ETS1: variants seen among roughly 807,000 people sequenced by gnomAD.
ETS1 encodes the protein protein C-ets-1.
A neutral mutation model predicts 58.6 loss-of-function variants in ETS1; 15 were observed. The observed-to-expected ratio is 0.26, with a 90% CI of 0.17 to 0.39. ETS1 has a LOEUF of 0.39. Ranked by LOEUF, ETS1 falls within the 10% of genes least tolerant of loss-of-function variation. The pLI, the probability that ETS1 is intolerant of heterozygous loss-of-function variation, is 1.00. For missense variants in ETS1, 417 were observed against 610.5 expected (o/e 0.68, Z 3.34); for synonymous variants, 214 against 218.2 (o/e 0.98, Z 0.17).
rs371749405 is a variant in ETS1 at position 128,462,349 on chromosome 11, C to T, written c.*12G>A. On this transcript the variant is annotated 3_prime_UTR_variant, in exon 10 of 10. Transcript: ENST00000392668. Reference sequence around the variant, plus strand: ...AGGTCTCAGCAGGGTTTCCCCAGCCCCTTCAGTGCCATCACTCGTCGGCAT... The same window carrying T: ...AGGTCTCAGCAGGGTTTCCCCAGCCTCTTCAGTGCCATCACTCGTCGGCAT... 5 of 1,602,034 alleles carry T rather than the reference C, an allele frequency of 3.1e-6. No individual in the cohort carries two copies. In the African/African-American group the frequency reaches 6.7e-5, roughly 21 times the overall value.
intron 8 of ETS1, among the ~76,000 whole-genome samples, chr11:128,473,775 T>A (rs1390213728): frequency 6.6e-6 from 1 of 152,098 alleles, no homozygotes; most frequent in African/African-American, 2.4e-5. Flanking sequence ...AGCTGCTCAC[T>A]CTCTGCAGCA....
At position 128,546,049 on chromosome 11, in the gene ETS1, C is replaced by T. The variant is rs146980748; in HGVS notation, c.214+10242G>A. ...TTCATTATAAAACCCAAAATTCAACCAGTGAACATTCACCAGGACGCAAGC... is the reference window on the plus strand; with the variant it reads ...TTCATTATAAAACCCAAAATTCAACTAGTGAACATTCACCAGGACGCAAGC... On this transcript the variant is annotated intron_variant, in intron 3 of 9. Transcript: ENST00000392668. Among the ~76,000 whole-genome samples the T allele has an allele frequency of 4.9e-3, 745 of 152,326 alleles. 4 individuals are homozygous for T. Among genetic ancestry groups the T allele is most frequent in the African/African-American group, 0.017 (722 of 41,580 alleles).
intron 2 of ETS1, among the ~76,000 whole-genome samples, 197 bp from the exon 3 acceptor site, chr11:128,556,632 C>T (rs1234472687): frequency 6.6e-6 from 1 of 152,190 alleles, no homozygotes; most frequent in Non-Finnish European, 1.5e-5. Flanking sequence ...ATTTCTGACT[C>T]AGACTATGTA....
intron 2 of ETS1, among the ~76,000 whole-genome samples, chr11:128,557,126 A>G (rs1479456474): frequency 1.3e-5 from 2 of 152,238 alleles, no homozygotes; most frequent in Non-Finnish European, 2.9e-5. Context: ...AGCCAGGTAT[A>G]CATAATTCAA....
At chr11:128,579,610 G>A (rs113442329) in intron 1 of ETS1, among the ~76,000 whole-genome samples, 10,289 of 147,536 alleles carry the variant, frequency 0.07, 517 homozygotes, top group South Asian at 0.14. Context: ...GCAGTGAGCC[G>A]AGATCTCGCC....
At chr11:128,569,979 T>C (rs968089344) in intron 2 of ETS1, among the ~76,000 whole-genome samples, 3 of 152,216 alleles carry the variant, frequency 2.0e-5, no homozygotes, top group Non-Finnish European at 4.4e-5. Flanking sequence ...TTATTTGGTT[T>C]GAAACCAATG....
At chr11:128,486,941 T>C (rs562159688) in intron 5 of ETS1, among the ~76,000 whole-genome samples, 1 of 152,326 alleles carries the variant, frequency 6.6e-6, no homozygotes, top group Admixed American at 6.5e-5. Flanking sequence ...GAATCTGACA[T>C]AGAGTATGGG....
chr11:128,482,806 G>A (rs78899375), intron 7 of ETS1, among the ~76,000 whole-genome samples: 1,879 of 152,236 alleles, frequency 0.012, 44 homozygotes, highest in African/African-American at 0.043. Context: ...AAGGGCCTCG[G>A]CGAGCTCCTT....
intron 3 of ETS1, among the ~76,000 whole-genome samples, chr11:128,493,808 T>C (rs1183859716): frequency 6.6e-6 from 1 of 152,244 alleles, no homozygotes; most frequent in Non-Finnish European, 1.5e-5. Flanking sequence ...TGACTAATCA[T>C]GCTCAAAAAT....
At chr11:128,485,205 G>T (rs1286746254) in intron 6 of ETS1, 134 bp from the exon 7 acceptor site, 2 of 780,418 alleles carry the variant, frequency 2.6e-6, no homozygotes, top group Non-Finnish European at 3.9e-6. Flanking sequence ...AATCAGAAAA[G>T]CTTGCATTTT....
chr11:128,525,556 G>T (rs1214264041), intron 3 of ETS1, among the ~76,000 whole-genome samples: 1 of 147,388 alleles, frequency 6.8e-6, no homozygotes, highest in African/African-American at 2.5e-5. Context: ...GACCACTAAC[G>T]GCTGATCCAG....
At chr11:128,539,463 A>G (rs1864022053) in intron 3 of ETS1, among the ~76,000 whole-genome samples, 1 of 152,246 alleles carries the variant, frequency 6.6e-6, no homozygotes, top group African/African-American at 2.4e-5. Flanking sequence ...ATCATTAATT[A>G]TTAAAGAAAT....
At chr11:128,523,547 G>T (rs2135522383) in intron 3 of ETS1, among the ~76,000 whole-genome samples, 1 of 152,332 alleles carries the variant, frequency 6.6e-6, no homozygotes, top group East Asian at 1.9e-4. Flanking sequence ...GACTGTAACT[G>T]TAACCTCTGC....
chr11:128,518,854 G>A (rs144970090), intron 3 of ETS1, among the ~76,000 whole-genome samples: 53 of 152,326 alleles, frequency 3.5e-4, no homozygotes, highest in African/African-American at 1.3e-3. Flanking sequence ...GGTGGGGTGA[G>A]AGGCTGATCC....
At chr11:128,508,019 C>T (rs774262410) in intron 3 of ETS1, among the ~76,000 whole-genome samples, 3 of 152,166 alleles carry the variant, frequency 2.0e-5, no homozygotes, top group Non-Finnish European at 4.4e-5. Flanking sequence ...AAAAATAATG[C>T]TTTAGAGTTG....
intron 2 of ETS1, among the ~76,000 whole-genome samples, chr11:128,560,199 G>A (rs531091096): frequency 2.6e-5 from 4 of 151,656 alleles, no homozygotes; most frequent in Admixed American, 6.6e-5. Context: ...TGCAACCTCC[G>A]CCTCCTGGCA....
chr11:128,466,352 T>G (rs1185128379), intron 8 of ETS1, among the ~76,000 whole-genome samples: 2 of 152,128 alleles, frequency 1.3e-5, no homozygotes, highest in African/African-American at 2.4e-5. Context: ...TTCCCCCGGA[T>G]GAGTCTTTGG....
chr11:128,557,671 CTTT>C (rs374379363), intron 2 of ETS1, among the ~76,000 whole-genome samples: 1 of 151,986 alleles, frequency 6.6e-6, no homozygotes, highest in East Asian at 1.9e-4. Context: ...TTCTTTTTTT[CTTT>C]TTTATTATTA....
chr11:128,565,868 C>A (rs1431771517), intron 2 of ETS1, among the ~76,000 whole-genome samples: 3 of 152,150 alleles, frequency 2.0e-5, no homozygotes, highest in Non-Finnish European at 4.4e-5. Flanking sequence ...TTCATGGTAG[C>A]AAGCACAATC....
Sources: allele counts gnomAD v4.1 joint callset (sites outside exome capture counted in the v4.1 genomes callset), GRCh38; gene constraint gnomAD v4.1.1; transcripts MANE v1.5; gene names NCBI Gene and HGNC (gene_info 2026-07-23, HGNC 2026-07-21).